The following LAMA2 variants were observed in gnomAD, a reference collection of about 807,000 sequenced individuals.
LAMA2 encodes the protein laminin subunit alpha-2.
In LAMA2, 269 loss-of-function variants were observed where a neutral mutation model predicts 364.8. The observed-to-expected ratio is 0.74, with a 90% CI of 0.67 to 0.82. LAMA2 has a LOEUF of 0.82. LAMA2 is among the 40% of genes least tolerant of loss of function. LAMA2 has a pLI of 0.00. For synonymous variants in LAMA2, 1,379 were observed against 1,370.6 expected (o/e 1.01, Z -0.14); for missense variants, 3,807 against 3,873.2 (o/e 0.98, Z 0.45).
At chr6:129,169,016 C>G (rs1434585006) in intron 9 of LAMA2, among the ~76,000 whole-genome samples, 2 of 152,150 alleles carry the variant, frequency 1.3e-5, no homozygotes, top group Admixed American at 6.5e-5. Context: ...GATTTTGTAT[C>G]CTGAGACTTT....
At chr6:129,032,672 G>A (rs190549897) in intron 1 of LAMA2, among the ~76,000 whole-genome samples, 5 of 152,280 alleles carry the variant, frequency 3.3e-5, no homozygotes, top group East Asian at 1.9e-4. Flanking sequence ...GCTAAAGAAA[G>A]GATAAGGGTA....
In LAMA2 at chr6:129,270,681, G is replaced by A; in HGVS notation, c.2380G>A (p.Gly794Ser). Reference protein sequence around the residue: ...YCDKCLPGFYGEPTKGTSEDC... With the variant: ...YCDKCLPGFYSEPTKGTSEDC... ...TGATAAATGTCTTCCTGGTTTCTAT[G>A]GCGAGCCTACTAAAGGAACCTCTGA... The change falls in exon 17 of 65, where the codon GGC becomes AGC. Residue 794 changes from glycine (G) to serine (S), a missense_variant. This residue lies in a region of LAMA2 where 3,333 missense variants were observed against 3,345.7 expected (regional missense o/e 1.00). Coordinates refer to ENST00000421865, the MANE Select transcript of LAMA2 (RefSeq NM_000426.4). 1 of 1,613,016 alleles carries A rather than the reference G, an allele frequency of 6.2e-7. No individual in the cohort carries two copies. The highest frequency in any genetic ancestry group is 8.5e-7 in the Non-Finnish European group (1 of 1,179,358).
Position 129,391,541 on chromosome 6 carries a change from G to A in LAMA2, c.5122G>A (p.Glu1708Lys), listed in dbSNP as rs1485209355. 5.0e-6 allele frequency: 8 copies of A among 1,613,818 alleles called. No individual in the cohort carries two copies. The highest frequency in any genetic ancestry group is 3.3e-5 in the Admixed American group (2 of 59,992). The change falls in exon 36 of 65, where the codon GAG becomes AAG. Residue 1708 changes from glutamate (E) to lysine (K), a missense_variant. By Grantham distance (56) the Glu-to-Lys change is moderately conservative. Around this residue, in one of 3 missense-constraint regions of LAMA2, gnomAD observed 3,333 missense variants for 3,345.7 expected, o/e 1.00. Transcript: ENST00000421865. ...AAATGAAACTCTAGGAACTCGAGAC[G>A]AGGCCTTTGAGAGAAATTTGGAAGG... ...KLNETLGTRD[E>K]AFERNLEGLQ...
At chr6:129,444,193 A>C (rs1321334460) in intron 44 of LAMA2, among the ~76,000 whole-genome samples, 4 of 152,196 alleles carry the variant, frequency 2.6e-5, no homozygotes, top group African/African-American at 9.6e-5. Context: ...AAAAGAGGGG[A>C]GAAGAGGAAC....
intron 32 of LAMA2, among the ~76,000 whole-genome samples, chr6:129,354,141 T>C (rs1248839584): frequency 6.6e-6 from 1 of 152,226 alleles, no homozygotes; most frequent in Admixed American, 6.5e-5. Flanking sequence ...GTAATAGTAT[T>C]TGTGCATGTC....
chr6:129,288,023 A>G lies in LAMA2; in HGVS notation c.2714A>G (p.Tyr905Cys), dbSNP rs886061048. ...TACTGTGAGCTCTGTGCTGATGGAT[A>G]TTTTGGAGATGCAGTTGATGCGAAG... The part of the protein sequence containing the change: ...GRYCELCADG[Y>C]FGDAVDAKNC... The change falls in exon 19 of 65, where the codon TAT (tyrosine) becomes TGT (cysteine). Residue 905 changes from tyrosine to cysteine, a missense_variant. Tyr to Cys is a radical substitution (Grantham distance 194). Transcript: ENST00000421865. 4 of 1,613,956 alleles carry G rather than the reference A, an allele frequency of 2.5e-6. No individual in the cohort carries two copies. The highest frequency in any genetic ancestry group is 1.3e-5 in the African/African-American group (1 of 74,910).
chr6:129,321,915 C>A (rs981489937), intron 28 of LAMA2, among the ~76,000 whole-genome samples: 1 of 152,114 alleles, frequency 6.6e-6, no homozygotes, highest in Admixed American at 6.5e-5. Context: ...GTGAATCCTA[C>A]CTAGCTGCAC....
chr6:129,249,091 A>G (rs149665000), intron 12 of LAMA2, among the ~76,000 whole-genome samples: 1 of 152,204 alleles, frequency 6.6e-6, no homozygotes, highest in Non-Finnish European at 1.5e-5. Context: ...TTCTCTGTGG[A>G]ACACTAAGAG....
chr6:129,049,048 C>T (rs1787809414), intron 1 of LAMA2, among the ~76,000 whole-genome samples: 1 of 152,140 alleles, frequency 6.6e-6, no homozygotes, highest in African/African-American at 2.4e-5. Context: ...AATGTACTTT[C>T]TCCAAGAACA....
chr6:129,402,797 C>CA (rs898199261), intron 39 of LAMA2, among the ~76,000 whole-genome samples: 76 of 152,292 alleles, frequency 5.0e-4, no homozygotes, highest in African/African-American at 1.8e-3. Flanking sequence ...GCCTTATTAG[C>CA]ATTTTAAATA....
At position 129,006,750 on chromosome 6, in the gene LAMA2, T is replaced by G. The variant is rs78997224; in HGVS notation, c.113-43168T>G. On this transcript the variant is annotated intron_variant, in intron 1 of 64. Coordinates refer to ENST00000421865, the MANE Select transcript of LAMA2 (RefSeq NM_000426.4). ...TCCAGTATAAAATCGTACTGAAACT[T>G]GTAATCAGGAAGACATCCCCTTTGT... Among the ~76,000 whole-genome samples the G allele has an allele frequency of 3.9e-4, 59 of 152,240 alleles. No individual in the cohort carries two copies. The East Asian group carries it at 0.011, about 29-fold the overall frequency.
In LAMA2 at chr6:129,435,026, A is replaced by T. The variant is rs189003916; in HGVS notation, c.5969-3620A>T. On this transcript the variant is annotated intron_variant, in intron 41 of 64. Transcript: ENST00000421865. ...CAAAAAAAAAATGCAGAGAATCAAA[A>T]TTAGCGCTTTGGAACTTGAGAGGCA... Among the ~76,000 whole-genome samples the T allele has an allele frequency of 4.4e-3, 676 of 152,240 alleles. 5 individuals carry two copies. The highest frequency in any genetic ancestry group is 0.017 in the Middle Eastern group (5 of 294).
At chr6:129,381,839 CT>C (rs1474016173) in intron 34 of LAMA2, among the ~76,000 whole-genome samples, 2 of 152,148 alleles carry the variant, frequency 1.3e-5, no homozygotes, top group Non-Finnish European at 2.9e-5. Flanking sequence ...TCCTTTCATC[CT>C]TTCATTTGTG....
Position 129,260,814 on chromosome 6 carries a change from T to A in LAMA2, c.2200T>A (p.Ser734Thr). Residue 734 changes from serine to threonine, a missense_variant, in exon 15 of 65, where the codon TCT becomes ACT. Transcript: ENST00000421865. Reference sequence around the variant, plus strand: ...GTGCCCACCAGGGTATACTGGCTCCTCTTGTGAAGTAAGCTTGCAAGAATG... The same window carrying A: ...GTGCCCACCAGGGTATACTGGCTCCACTTGTGAAGTAAGCTTGCAAGAATG... The part of the protein sequence containing the change: ...CQCPPGYTGS[S>T]CESCWPRHRR... 6.3e-7 allele frequency: 1 copy of A among 1,585,154 alleles called. No individual in the cohort carries two copies. The highest frequency in any genetic ancestry group is 8.7e-7 in the Non-Finnish European group (1 of 1,153,808).
At chr6:128,948,805 G>T (rs80258303) in intron 1 of LAMA2, among the ~76,000 whole-genome samples, 2,838 of 152,218 alleles carry the variant, frequency 0.019, 81 homozygotes, top group African/African-American at 0.057. Flanking sequence ...CCCTCCATGT[G>T]ACATGTGTGC....
At chr6:129,292,489 A>G (rs1309098693) in intron 20 of LAMA2, among the ~76,000 whole-genome samples, 2 of 152,208 alleles carry the variant, frequency 1.3e-5, no homozygotes, top group Non-Finnish European at 2.9e-5. Flanking sequence ...ATTTTTAAAG[A>G]TGCATTATTT....
chr6:129,391,406 G>A lies in LAMA2; in HGVS notation c.5072-85G>A, dbSNP rs1482260333. On this transcript the variant is annotated intron_variant, in intron 35 of 64. Transcript: ENST00000421865. The stretch of plus-strand genomic sequence containing the variant: ...GGCAAAATACTCTTCATTTGGAGAT[G>A]GTGGTGCCCAGCAGATGCTGAATAC... 3 of 1,111,758 alleles carry A rather than the reference G, an allele frequency of 2.7e-6. No homozygotes were observed. The East Asian group carries it at 7.0e-5, about 26-fold the overall frequency. The allele number at this position is 1,111,758 out of a possible 1,614,324, so 68.9% of individuals were successfully genotyped here. A position where few individuals can be genotyped will look rare whatever the true frequency, so the allele number is the denominator to read the frequency against.
In LAMA2 at chr6:128,929,759, A is replaced by G; in HGVS notation, c.112+46402A>G. ...TGTACCAATCGTAGCTGGATATTGG[A>G]AAACGTGTAAAACCACAACTGTCTC... On this transcript the variant is annotated intron_variant, in intron 1 of 64. Coordinates refer to ENST00000421865, the MANE Select transcript of LAMA2 (RefSeq NM_000426.4). 1.3e-5 allele frequency: 15 copies of G among 1,125,742 alleles called. No homozygotes were observed. The South Asian group carries it at 1.6e-4, about 12-fold the overall frequency. The allele number at this position is 1,125,742 out of a possible 1,614,324, so 69.7% of individuals were successfully genotyped here. A position where few individuals can be genotyped will look rare whatever the true frequency, so the allele number is the denominator to read the frequency against.
intron 1 of LAMA2, among the ~76,000 whole-genome samples, chr6:128,976,526 G>C (rs946519694): frequency 1.1e-4 from 16 of 152,188 alleles, no homozygotes; most frequent in African/African-American, 3.4e-4. Flanking sequence ...ATCAACACCA[G>C]AGAGGAAGAG....
Sources: allele counts gnomAD v4.1 joint callset (sites outside exome capture counted in the v4.1 genomes callset), GRCh38; gene constraint gnomAD v4.1.1; regional missense constraint gnomAD v4.1.1; transcripts MANE v1.5; gene names NCBI Gene and HGNC (gene_info 2026-07-23, HGNC 2026-07-21).